CCDC154: variants seen among roughly 807,000 people sequenced by gnomAD.
CCDC154 encodes the protein coiled-coil domain containing 154.
In CCDC154, 91 loss-of-function variants were observed where a neutral mutation model predicts 87.5. The observed-to-expected ratio is 1.04, with a 90% CI of 0.88 to 1.24. The LOEUF is 1.24. Ranked by LOEUF, CCDC154 falls within the 50% of genes most tolerant of loss-of-function variation. The pLI is 0.00. For synonymous variants in CCDC154, 418 were observed against 400.4 expected, an observed-to-expected ratio of 1.04 and a Z score of -0.52; for missense variants, 903 against 879.2, an observed-to-expected ratio of 1.03 and a Z score of -0.34.
chr16:1,438,764 GACCTGCACCCCGGCCCCGGCCCC>G (rs1301091362), intron 8 of CCDC154, 27 bp from the exon 9 acceptor site: 1 of 1,546,152 alleles, frequency 6.5e-7, no homozygotes, highest in Admixed American at 2.0e-5. Flanking sequence ...GCCGCCCTGA[GACCTGCACCCCGGCCCCGGCCCC>G]ACCTGCCCGC....
At position 1,434,770 on chromosome 16, in the gene CCDC154, C is replaced by T. The variant is rs1185598791; in HGVS notation, c.1775G>A (p.Trp592Ter). 7 of 1,544,308 alleles carry T rather than the reference C, an allele frequency of 4.5e-6. No individual in the cohort carries two copies. The highest frequency in any genetic ancestry group is 6.1e-6 in the Non-Finnish European group (7 of 1,146,750). Residue 592 changes from tryptophan to a stop codon, truncating the protein, a stop_gained, in exon 16 of 17, where the codon TGG becomes TAG. Transcript: ENST00000389176. LOFTEE classifies it high-confidence loss of function. ...EEGPRTPLGSWKALPSLVRPR... is the reference protein window; with the variant it reads ...EEGPRTPLGS Reference sequence around the variant, plus strand: ...CCTCACCAGGGATGGGAGCGCCTTCCAGCTGCCCAGCGGCGTCCGCGGGCC... The same window carrying T: ...CCTCACCAGGGATGGGAGCGCCTTCTAGCTGCCCAGCGGCGTCCGCGGGCC...
rs778141421 is a variant in CCDC154, at chr16:1,443,651, T to C, written c.269A>G (p.Lys90Arg). The C allele has an allele frequency of 7.5e-7, 1 of 1,332,578 alleles. No homozygotes were observed. Among genetic ancestry groups the C allele is most frequent in the Non-Finnish European group, 9.8e-7 (1 of 1,024,726 alleles). The allele number at this position is 1,332,578 out of a possible 1,614,324, so 82.5% of individuals were successfully genotyped here. ...QAEVACLREH[K>R]QRCERATRSL... Reference sequence around the variant, plus strand: ...CCGCGTGGCGCGCTCACAGCGCTGCTTGTGCTCCCGCAGGCAGGCCACCTC... The same window carrying C: ...CCGCGTGGCGCGCTCACAGCGCTGCCTGTGCTCCCGCAGGCAGGCCACCTC... The change falls in exon 3 of 17, where the codon AAG becomes AGG. Residue 90 changes from lysine (K) to arginine (R), a missense_variant. By Grantham distance (26) the Lys-to-Arg change is conservative. Coordinates refer to ENST00000389176, the MANE Select transcript of CCDC154 (RefSeq NM_001143980.3).
In CCDC154 at chr16:1,436,479, A is replaced by G; in HGVS notation, c.1453T>C (p.Ser485Pro). Residue 485 changes from serine to proline, a missense_variant, in exon 13 of 17, where the codon TCA becomes CCA. Transcript: ENST00000389176. The stretch of plus-strand genomic sequence containing the variant: ...CCTTCGGCGGAAATCCTGAGGTCTG[A>G]GTCGCTCTTATGAAGCAGGCACTTG... Reference protein sequence around the residue: ...SDKCLLHKSDSDLRISAEGKA... With the variant: ...SDKCLLHKSDPDLRISAEGKA... 6.5e-7 allele frequency: 1 copy of G among 1,548,992 alleles called. No individual in the cohort carries two copies. The highest frequency in any genetic ancestry group is 8.7e-7 in the Non-Finnish European group (1 of 1,146,942).
intron 9 of CCDC154, 100 bp downstream of exon 9, chr16:1,438,519 G>C (rs2038522071): frequency 3.5e-6 from 4 of 1,134,040 alleles, no homozygotes; most frequent in Non-Finnish European, 5.1e-6. Context: ...CTCGGGGGAG[G>C]CAAGGTCATT....
chr16:1,436,671 G>A, intron 12 of CCDC154, 21 bp downstream of exon 12: 1 of 1,549,560 alleles, frequency 6.5e-7, no homozygotes, highest in Admixed American at 2.0e-5. Flanking sequence ...GTACACCAAG[G>A]CTGGCTGTGC....
chr16:1,435,939 C>G, intron 14 of CCDC154, 30 bp downstream of exon 14: 1 of 1,529,864 alleles, frequency 6.5e-7, no homozygotes, highest in South Asian at 1.2e-5. Flanking sequence ...CCCCTCTCTC[C>G]CAGCTGGGTG....
chr16:1,439,635 C>T (rs1042572130), intron 6 of CCDC154, among the ~76,000 whole-genome samples: 3 of 152,190 alleles, frequency 2.0e-5, no homozygotes, highest in Non-Finnish European at 4.4e-5. Context: ...CTTCATCAGC[C>T]ACGGAGAGGC....
rs751331127 is a variant in CCDC154 at position 1,443,544 on chromosome 16, G to A, written c.376C>T (p.Arg126Trp). The change falls in exon 3 of 17, where the codon CGG becomes TGG. Residue 126 changes from arginine to tryptophan, a missense_variant. Transcript: ENST00000389176. Reference protein sequence around the residue: ...SELRQLQQEARPAAQAPEKEA... With the variant: ...SELRQLQQEAWPAAQAPEKEA... ...TTTTCGGGGGCCTGGGCTGCCGGCC[G>A]CGCCTCCTGCTGCAACTGCCTCAGC... 1.4e-4 allele frequency: 201 copies of A among 1,473,978 alleles called. No homozygotes were observed. The highest frequency in any genetic ancestry group is 1.7e-4 in the Non-Finnish European group (190 of 1,118,902). 91.3% of individuals were successfully genotyped at this position (1,473,978 alleles called of 1,614,324 possible).
rs2038555478 is a variant in CCDC154 at position 1,441,911 on chromosome 16, CTTTTGTTT to C, written c.675+487_675+494del. On this transcript the variant is annotated intron_variant, in intron 6 of 16. Coordinates refer to ENST00000389176, the MANE Select transcript of CCDC154 (RefSeq NM_001143980.3). ...CGTGTGCCACTGCACGTGGCCTGAG[CTTTTGTTT>C]TTTTGTTTTGTTTTGTTTTTTGAAA... Among the ~76,000 whole-genome samples, 4 of 127,266 alleles carry C rather than the reference CTTTTGTTT, an allele frequency of 3.1e-5. No homozygotes were observed. The South Asian group carries it at 9.9e-4, about 32-fold the overall frequency. The allele number at this position is 127,266 out of a possible 152,430, so 83.5% of individuals were successfully genotyped here. A position where few individuals can be genotyped will look rare whatever the true frequency, so the allele number is the denominator to read the frequency against.
rs1278959770 is a variant in CCDC154 at position 1,436,011 on chromosome 16, G to T, written c.1563C>A (p.Asn521Lys). The T allele has an allele frequency of 6.4e-7, 1 of 1,550,400 alleles. No individual in the cohort carries two copies. The highest frequency in any genetic ancestry group is 2.4e-5 in the East Asian group (1 of 40,924). Residue 521 changes from asparagine (N) to lysine (K), a missense_variant, in exon 14 of 17, where the codon AAC (asparagine) becomes AAA (lysine). Transcript: ENST00000389176. ...LSSVQLLKED[N>K]PGRKIAEMQG... ...GCATCTCCGCGATCTTCCGCCCAGG[G>T]TTGTCTTCCTTTAGCAGCTGCACGG... is the stretch of plus-strand genomic sequence containing the variant.
rs779611383 is a variant in CCDC154 at position 1,443,488 on chromosome 16, G to T, written c.414+18C>A. On this transcript the variant is annotated intron_variant, in intron 3 of 16. Coordinates refer to ENST00000389176, the MANE Select transcript of CCDC154 (RefSeq NM_001143980.3). ...CAGGAAAGGGGCAGCTCGACCTGTGGGTGGGGGAGCCGCTCACCTCCGGCG... is the reference window on the plus strand; with the variant it reads ...CAGGAAAGGGGCAGCTCGACCTGTGTGTGGGGGAGCCGCTCACCTCCGGCG... 1.3e-4 allele frequency: 191 copies of T among 1,451,540 alleles called. 1 individual carries two copies. The highest frequency in any genetic ancestry group is 1.5e-4 in the Non-Finnish European group (165 of 1,111,534). The allele number at this position is 1,451,540 out of a possible 1,614,324, so 89.9% of individuals were successfully genotyped here. A position where few individuals can be genotyped will look rare whatever the true frequency, so the allele number is the denominator to read the frequency against.
chr16:1,439,775 G>A (rs987938451), intron 6 of CCDC154, among the ~76,000 whole-genome samples: 1 of 152,164 alleles, frequency 6.6e-6, no homozygotes, highest in African/African-American at 2.4e-5. Context: ...GATCTCTGTT[G>A]TAACCCTCTC....
intron 13 of CCDC154, 127 bp downstream of exon 13, chr16:1,436,318 G>C: frequency 1.0e-6 from 1 of 955,368 alleles, no homozygotes; most frequent in Non-Finnish European, 1.6e-6. Flanking sequence ...TGCTGGGCCA[G>C]GCCCGGGCTC....
chr16:1,440,729 T>TC (rs2038544344), intron 6 of CCDC154, among the ~76,000 whole-genome samples: 1 of 151,702 alleles, frequency 6.6e-6, no homozygotes, highest in Non-Finnish European at 1.5e-5. Flanking sequence ...GATGGGCAGA[T>TC]CACGAGGTCA....
At chr16:1,435,669 G>A (rs954925146) in intron 14 of CCDC154, among the ~76,000 whole-genome samples, 2 of 152,190 alleles carry the variant, frequency 1.3e-5, no homozygotes, top group African/African-American at 4.8e-5. Flanking sequence ...GGGACTACAG[G>A]CATGCGCCAC....
chr16:1,443,837 G>C lies in CCDC154; in HGVS notation c.183C>G (p.Pro61=), dbSNP rs773062906. 4 of 1,304,444 alleles carry C rather than the reference G, an allele frequency of 3.1e-6. No homozygotes were observed. Among genetic ancestry groups the C allele is most frequent in the Non-Finnish European group, 4.0e-6 (4 of 989,120 alleles). The allele number at this position is 1,304,444 out of a possible 1,614,324, so 80.8% of individuals were successfully genotyped here. A position where few individuals can be genotyped will look rare whatever the true frequency, so the allele number is the denominator to read the frequency against. The part of the protein sequence containing the change: ...SSHPTSTASV[P]EQDTAKHWNQ... ...TCCAGTGCTTGGCGGTGTCCTGCTC[G>C]GGGACAGAGGCCGTGGATGTCGGAT... The change falls in exon 2 of 17, where the codon CCC becomes CCG. Residue 61 remains proline, a synonymous_variant. Transcript: ENST00000389176.
At chr16:1,438,305 G>A (rs9924950) in intron 9 of CCDC154, 129 bp from the exon 10 acceptor site, 90,174 of 1,188,846 alleles carry the variant, frequency 0.076, 5,145 homozygotes, top group African/African-American at 0.28. Flanking sequence ...GATGGGGTGC[G>A]GTCACAGTGC....
chr16:1,443,716 C>T (rs1209173928), intron 2 of CCDC154, 21 bp from the exon 3 acceptor site: 14 of 1,297,554 alleles, frequency 1.1e-5, no homozygotes, highest in South Asian at 3.8e-5. Flanking sequence ...CGAGAGTGGG[C>T]GAGTCTGGCG....
At position 1,436,374 on chromosome 16, in the gene CCDC154, C is replaced by T. The variant is rs974795827; in HGVS notation, c.1487+71G>A. On this transcript the variant is annotated intron_variant, in intron 13 of 16. Transcript: ENST00000389176. ...GATACCAGGGGATTGTGGAGAGTAG[C>T]GTGGGGACCGGCCCAGCCCAGTAAC... The T allele has an allele frequency of 1.5e-5, 19 of 1,274,450 alleles. No homozygotes were observed. The African/African-American group carries it at 1.8e-4, about 12-fold the overall frequency. 78.9% of individuals were successfully genotyped at this position (1,274,450 alleles called of 1,614,324 possible).
Sources: allele counts gnomAD v4.1 joint callset (sites outside exome capture counted in the v4.1 genomes callset), GRCh38; gene constraint gnomAD v4.1.1; transcripts MANE v1.5; gene names NCBI Gene and HGNC (gene_info 2026-07-23, HGNC 2026-07-21).